STPG2: variants seen among roughly 807,000 people sequenced by gnomAD.
STPG2 encodes the protein sperm tail PG-rich repeat containing 2, also known as sperm-tail PG-rich repeat-containing protein 2.
In STPG2, 56 loss-of-function variants were observed where a neutral mutation model predicts 54.2. The observed-to-expected ratio is 1.03, with a 90% confidence interval of 0.83 to 1.29. STPG2 has a LOEUF of 1.29. Ranked by LOEUF, STPG2 falls within the 50% of genes most tolerant of loss-of-function variation. The pLI, the probability that STPG2 is intolerant of heterozygous loss-of-function variation, is 0.00. For missense variants in STPG2, 596 were observed against 544.9 expected, an observed-to-expected ratio of 1.09 and a Z score of -0.93; for synonymous variants, 200 against 181.8, an observed-to-expected ratio of 1.10 and a Z score of -0.81.
At chr4:97,623,584 C>A (rs1159933036) in intron 10 of STPG2, among the ~76,000 whole-genome samples, 1 of 151,940 alleles carries the variant, frequency 6.6e-6, no homozygotes, top group African/African-American at 2.4e-5. Flanking sequence ...ATTAAAAAGT[C>A]AAAAAATAAC....
chr4:97,757,920 T>A (rs1725779925), intron 9 of STPG2, among the ~76,000 whole-genome samples: 1 of 152,204 alleles, frequency 6.6e-6, no homozygotes, highest in Non-Finnish European at 1.5e-5. Context: ...CCACCTACAA[T>A]GAATGAAATT....
chr4:97,674,902 C>A (rs1722795086), intron 10 of STPG2, among the ~76,000 whole-genome samples: 1 of 152,254 alleles, frequency 6.6e-6, no homozygotes, highest in South Asian at 2.1e-4. Context: ...TTTAGTTCTA[C>A]CCTCTACAGT....
chr4:98,040,580 T>A (rs1736921598), intron 5 of STPG2, among the ~76,000 whole-genome samples: 2 of 151,944 alleles, frequency 1.3e-5, no homozygotes, highest in Non-Finnish European at 2.9e-5. Flanking sequence ...AAGGACCTTT[T>A]CCCTATATAT....
At chr4:97,609,330 G>A (rs959066346) in intron 10 of STPG2, among the ~76,000 whole-genome samples, 3 of 151,982 alleles carry the variant, frequency 2.0e-5, no homozygotes, top group Non-Finnish European at 4.4e-5. Flanking sequence ...AAAGTTCCCA[G>A]TGTGGTGTCT....
Position 97,931,875 on chromosome 4 carries a change from CT to C in STPG2, c.1044+12021del, listed in dbSNP as rs199798575. ...AGCTATGAATCCATCAGGTCTTGGT[CT>C]TTTTTTTTAGTTGGTAGGCTATTTA... On this transcript the variant is annotated intron_variant, in intron 8 of 10. Coordinates refer to ENST00000295268, the MANE Select transcript of STPG2 (RefSeq NM_174952.3). Among the ~76,000 whole-genome samples the C allele has an allele frequency of 2.6e-3, 398 of 150,388 alleles. 3 individuals carry two copies. The highest frequency in any genetic ancestry group is 8.9e-3 in the African/African-American group (365 of 40,988).
chr4:98,089,915 A>G (rs1020904336), intron 5 of STPG2, among the ~76,000 whole-genome samples: 1 of 150,510 alleles, frequency 6.6e-6, no homozygotes, highest in Non-Finnish European at 1.5e-5. Context: ...TTTCTTGTTT[A>G]TTTGTTTGAC....
chr4:98,034,577 T>A (rs1209629524), intron 5 of STPG2, among the ~76,000 whole-genome samples: 2 of 152,182 alleles, frequency 1.3e-5, no homozygotes, highest in African/African-American at 4.8e-5. Context: ...TTGACATTCT[T>A]CACAGAACTG....
Position 97,513,343 on chromosome 4 carries a change from C to T in STPG2, c.462+199356G>A, listed in dbSNP as rs113312243. Among the ~76,000 whole-genome samples, 833 of 152,130 alleles carry T rather than the reference C, an allele frequency of 5.5e-3. 7 individuals carry two copies. Among genetic ancestry groups the T allele is most frequent in the Middle Eastern group, 0.02 (6 of 294 alleles). ...TCTTTTGGGGTTTTTATGGAGACTTCATTACATAGGCATGATTGATTGATT... is the reference window on the plus strand; with the variant it reads ...TCTTTTGGGGTTTTTATGGAGACTTTATTACATAGGCATGATTGATTGATT... On this transcript the variant is annotated intron_variant, in intron 4 of 4. Coordinates refer to the STPG2 transcript ENST00000522676.
chr4:98,037,071 C>T (rs1392120186), intron 5 of STPG2, among the ~76,000 whole-genome samples: 1 of 151,852 alleles, frequency 6.6e-6, no homozygotes, highest in African/African-American at 2.4e-5. Context: ...AGAAGAAACA[C>T]CCAGGCCCAG....
chr4:98,012,506 T>C (rs541395829), intron 5 of STPG2, among the ~76,000 whole-genome samples: 2 of 152,350 alleles, frequency 1.3e-5, no homozygotes, highest in South Asian at 4.1e-4. Context: ...GGTAGCTTGA[T>C]GGGGATAGCA....
intron 4 of STPG2, among the ~76,000 whole-genome samples, chr4:97,493,525 A>G (rs986554477): frequency 6.6e-6 from 1 of 151,482 alleles, no homozygotes; most frequent in Non-Finnish European, 1.5e-5. Context: ...AACAGATAAA[A>G]TTATAGAAAA....
intron 9 of STPG2, among the ~76,000 whole-genome samples, chr4:97,824,147 G>T: frequency 6.6e-6 from 1 of 152,176 alleles, no homozygotes; most frequent in East Asian, 1.9e-4. Flanking sequence ...AGTTGACGGG[G>T]CTGCTGGGAA....
At chr4:98,026,023 T>A in intron 5 of STPG2, 1 of 1,033,418 alleles carries the variant, frequency 9.7e-7, no homozygotes, top group South Asian at 1.4e-5. Flanking sequence ...ACATGTAAGA[T>A]GAAGATAATT....
intron 4 of STPG2, among the ~76,000 whole-genome samples, chr4:97,485,911 T>C (rs1181978513): frequency 6.6e-6 from 1 of 151,766 alleles, no homozygotes; most frequent in South Asian, 2.1e-4. Flanking sequence ...CAACTTGTCT[T>C]CAACAAAGCG....
chr4:97,781,412 C>A (rs906460195), intron 9 of STPG2, among the ~76,000 whole-genome samples: 3 of 152,186 alleles, frequency 2.0e-5, no homozygotes, highest in Non-Finnish European at 4.4e-5. Flanking sequence ...AGACCAATAA[C>A]AGGCTCTGAA....
At chr4:97,549,169 T>G (rs994950184) in intron 4 of STPG2, among the ~76,000 whole-genome samples, 1 of 152,170 alleles carries the variant, frequency 6.6e-6, no homozygotes, top group Non-Finnish European at 1.5e-5. Context: ...CAAATGTTAT[T>G]TAGCCCAGCT....
chr4:98,069,347 C>T (rs754640302), intron 5 of STPG2, among the ~76,000 whole-genome samples: 21 of 152,064 alleles, frequency 1.4e-4, no homozygotes, highest in Non-Finnish European at 2.9e-4. Flanking sequence ...TTTTACGCCA[C>T]AATAAATAAC....
intron 9 of STPG2, among the ~76,000 whole-genome samples, chr4:97,786,426 T>C (rs1343479147): frequency 1.3e-5 from 2 of 152,102 alleles, no homozygotes; most frequent in Non-Finnish European, 2.9e-5. Flanking sequence ...TTGTCATAAG[T>C]CACATTTTAA....
intron 10 of STPG2, among the ~76,000 whole-genome samples, chr4:97,585,988 A>G (rs1372891992): frequency 6.6e-6 from 1 of 151,990 alleles, no homozygotes; most frequent in Non-Finnish European, 1.5e-5. Context: ...CAAAACCATA[A>G]AGAGAAAAGA....
Sources: allele counts gnomAD v4.1 joint callset (sites outside exome capture counted in the v4.1 genomes callset), GRCh38; gene constraint gnomAD v4.1.1; transcripts MANE v1.5; gene names NCBI Gene and HGNC (gene_info 2026-07-23, HGNC 2026-07-21).